Variants in PTPRD observed in about 807,000 individuals in gnomAD.
The protein encoded by PTPRD is receptor-type tyrosine-protein phosphatase delta.
A neutral mutation model predicts 214.5 loss-of-function variants in PTPRD; 34 were observed. That is an observed-to-expected ratio of 0.16 (90% CI 0.12 to 0.21). The LOEUF (loss-of-function observed/expected upper bound fraction) is 0.21, where lower values mean the gene tolerates loss of function less well. Ranked by LOEUF, PTPRD falls within the 10% of genes least tolerant of loss-of-function variation. The probability of loss-of-function intolerance (pLI) is 1.00; values close to 1 mark genes in which losing one functional copy is unlikely to be tolerated. For missense variants in PTPRD, 2,545 were observed against 2,398.7 expected, an observed-to-expected ratio of 1.06 and a Z score of -1.27; for synonymous variants, 1,128 against 845.7, an observed-to-expected ratio of 1.33 and a Z score of -5.79.
At chr9:9,421,261 C>A (rs2078699206) in intron 8 of PTPRD, among the ~76,000 whole-genome samples, 1 of 150,656 alleles carries the variant, frequency 6.6e-6, no homozygotes, top group African/African-American at 2.4e-5. Flanking sequence ...CCCTAAGTAG[C>A]AAGTAATAGT....
chr9:9,519,955 A>G (rs546690654), intron 8 of PTPRD, among the ~76,000 whole-genome samples: 2 of 152,236 alleles, frequency 1.3e-5, no homozygotes, highest in Non-Finnish European at 2.9e-5. Context: ...TATTGGTGCA[A>G]TGATAGACAA....
At chr9:8,681,666 G>A (rs2097551815) in intron 12 of PTPRD, among the ~76,000 whole-genome samples, 1 of 152,172 alleles carries the variant, frequency 6.6e-6, no homozygotes, top group Non-Finnish European at 1.5e-5. Flanking sequence ...TGAACGATGT[G>A]CATGCGTCAT....
intron 12 of PTPRD, among the ~76,000 whole-genome samples, chr9:8,707,483 T>A (rs1388735548): frequency 6.6e-6 from 1 of 152,216 alleles, no homozygotes; most frequent in Admixed American, 6.5e-5. Context: ...TAGCAGTGTT[T>A]CTTGATTACA....
intron 11 of PTPRD, among the ~76,000 whole-genome samples, chr9:8,870,824 A>G (rs566560236): frequency 9.9e-5 from 15 of 152,154 alleles, no homozygotes; most frequent in Non-Finnish European, 1.9e-4. Flanking sequence ...CCTGACCTAA[A>G]TGGCCCCTCT....
intron 5 of PTPRD, among the ~76,000 whole-genome samples, chr9:9,837,928 C>A (rs56252364): frequency 6.6e-6 from 1 of 151,956 alleles, no homozygotes; most frequent in Non-Finnish European, 1.5e-5. Context: ...CTCCCCCAAC[C>A]CCACAACAGT....
chr9:8,522,178 A>T (rs2097904341), intron 19 of PTPRD, among the ~76,000 whole-genome samples: 1 of 152,232 alleles, frequency 6.6e-6, no homozygotes, highest in East Asian at 1.9e-4. Flanking sequence ...AAGAAGAAAC[A>T]GGCTAACACC....
Position 8,818,412 on chromosome 9 carries a change from T to C in PTPRD, c.-103-84466A>G, listed in dbSNP as rs111634600. 7.9e-4 allele frequency among the ~76,000 whole-genome samples: 120 copies of C among 152,316 alleles called. 1 individual carries two copies. Among genetic ancestry groups the C allele is most frequent in the African/African-American group, 2.4e-3 (98 of 41,592 alleles). ...ATAATACTGCCTTTAACAATAATAATAGTAAGATTAATCATTTAGTAAACA... is the reference window on the plus strand; with the variant it reads ...ATAATACTGCCTTTAACAATAATAACAGTAAGATTAATCATTTAGTAAACA... On this transcript the variant is annotated intron_variant, in intron 11 of 45. Transcript: ENST00000381196.
chr9:8,960,212 C>A (rs116110120), intron 11 of PTPRD, among the ~76,000 whole-genome samples: 1 of 151,994 alleles, frequency 6.6e-6, no homozygotes, highest in Admixed American at 6.6e-5. Context: ...TCGTCAGGAA[C>A]AGATAAGGTA....
chr9:8,460,824 T>C (rs1564984075), intron 32 of PTPRD, among the ~76,000 whole-genome samples: 1 of 152,098 alleles, frequency 6.6e-6, no homozygotes, highest in Non-Finnish European at 1.5e-5. Flanking sequence ...AATTACTTCA[T>C]AGACACTTTT....
intron 3 of PTPRD, among the ~76,000 whole-genome samples, chr9:10,233,064 A>T (rs1322141): frequency 0.73 from 110,856 of 151,888 alleles, 41,431 homozygotes; most frequent in East Asian, 0.89. Flanking sequence ...CCTTGACTGT[A>T]TTTAGTGAAA....
intron 9 of PTPRD, among the ~76,000 whole-genome samples, chr9:9,244,125 C>G (rs1462193892): frequency 1.3e-5 from 2 of 152,002 alleles, no homozygotes; most frequent in African/African-American, 2.4e-5. Context: ...CACTGCTCTA[C>G]AAAATAAAAG....
chr9:9,813,395 A>G (rs1345664950), intron 5 of PTPRD, among the ~76,000 whole-genome samples: 1 of 151,982 alleles, frequency 6.6e-6, no homozygotes, highest in Non-Finnish European at 1.5e-5. Flanking sequence ...TTTAGCAAAA[A>G]TAGAACAAAA....
intron 11 of PTPRD, among the ~76,000 whole-genome samples, chr9:8,809,692 G>A (rs901760774): frequency 6.6e-6 from 1 of 152,100 alleles, no homozygotes; most frequent in African/African-American, 2.4e-5. Context: ...GATATAGCTG[G>A]CATAAGGTTT....
rs190985042 is a variant in PTPRD at position 9,103,544 on chromosome 9, A to G, written c.-143+79760T>C. Among the ~76,000 whole-genome samples, 221 of 152,302 alleles carry G rather than the reference A, an allele frequency of 1.5e-3. 2 individuals carry two copies. The highest frequency in any genetic ancestry group is 5.1e-3 in the African/African-American group (214 of 41,576). The stretch of plus-strand genomic sequence containing the variant: ...TTGCTCACACTAGTTCTTGGTTTCA[A>G]TGTTGCAAAAATCTAAAGAAAAAAA... On this transcript the variant is annotated intron_variant, in intron 10 of 45. Coordinates refer to ENST00000381196, the MANE Select transcript of PTPRD (RefSeq NM_002839.4).
chr9:9,621,981 G>A (rs979329147), intron 7 of PTPRD, among the ~76,000 whole-genome samples: 3 of 152,178 alleles, frequency 2.0e-5, no homozygotes, highest in Admixed American at 2.0e-4. Flanking sequence ...GAACGGAGGC[G>A]AGGAGACCTG....
chr9:9,393,945 C>T (rs943967317), intron 9 of PTPRD, among the ~76,000 whole-genome samples: 1 of 152,104 alleles, frequency 6.6e-6, no homozygotes, highest in African/African-American at 2.4e-5. Context: ...AACATTGCCA[C>T]CAATACTTTC....
intron 11 of PTPRD, among the ~76,000 whole-genome samples, chr9:8,977,422 C>G (rs1382493400): frequency 6.6e-6 from 1 of 152,028 alleles, no homozygotes; most frequent in African/African-American, 2.4e-5. Context: ...TGTTCTAGCT[C>G]TCTTCATACA....
chr9:10,038,215 A>C (rs1036471536), intron 3 of PTPRD, among the ~76,000 whole-genome samples: 2 of 152,100 alleles, frequency 1.3e-5, no homozygotes, highest in Non-Finnish European at 2.9e-5. Flanking sequence ...TGTATATCTC[A>C]TGAAATTTCT....
intron 11 of PTPRD, among the ~76,000 whole-genome samples, chr9:8,879,447 A>G (rs953729508): frequency 1.3e-5 from 2 of 152,092 alleles, no homozygotes; most frequent in African/African-American, 4.8e-5. Context: ...CTTGGTAGGC[A>G]CTGCAAAACA....
Sources: gnomAD v4.1 joint callset for allele counts (sites outside exome capture counted in the v4.1 genomes callset) on GRCh38, gnomAD v4.1.1 for gene constraint, MANE v1.5 for transcripts, NCBI Gene and HGNC (gene_info 2026-07-23, HGNC 2026-07-21) for gene names.